The following MYO3B variants were observed in gnomAD, a reference collection of about 807,000 sequenced individuals.
MYO3B encodes the protein myosin IIIB, also known as myosin-IIIb.
Under a neutral mutation model 174.6 loss-of-function variants are expected in MYO3B, and 156 were observed. The ratio of observed to expected loss-of-function variants is 0.89; its 90% CI spans 0.78 to 1.02. The LOEUF (loss-of-function observed/expected upper bound fraction) is 1.02, where lower values mean the gene tolerates loss of function less well. MYO3B is among the 50% of genes least tolerant of loss of function. The pLI, the probability that MYO3B is intolerant of heterozygous loss-of-function variation, is 0.00. For missense variants in MYO3B, 1,632 were observed against 1,639.4 expected, an observed-to-expected ratio of 1.00 and a Z score of 0.08; for synonymous variants, 563 against 569.1, an observed-to-expected ratio of 0.99 and a Z score of 0.15.
chr2:170,613,053 G>A (rs1423560441), intron 32 of MYO3B, among the ~76,000 whole-genome samples: 1 of 152,174 alleles, frequency 6.6e-6, no homozygotes, highest in African/African-American at 2.4e-5. Flanking sequence ...TGGTAATGCG[G>A]AAAGCAGGGC....
chr2:170,410,592 GAA>G lies in MYO3B; in HGVS notation c.2650+2766_2650+2767del, dbSNP rs59296953. 1.9e-3 allele frequency among the ~76,000 whole-genome samples: 213 copies of G among 112,540 alleles called. 1 individual carries two copies. Among genetic ancestry groups the G allele is most frequent in the East Asian group, 3.3e-3 (12 of 3,618 alleles). 73.8% of individuals were successfully genotyped at this position (112,540 alleles called of 152,430 possible). ...AAGACTCCGTCTCAACAAAAAAAAA[GAA>G]AAAAAAAAAAAAAAAAACTTGGGAA... On this transcript the variant is annotated intron_variant, in intron 22 of 34. Coordinates refer to ENST00000408978, the MANE Select transcript of MYO3B (RefSeq NM_138995.5).
chr2:170,428,396 ACTTCAGGGGTCTTTT>A (rs2094682568), intron 22 of MYO3B, among the ~76,000 whole-genome samples: 1 of 152,092 alleles, frequency 6.6e-6, no homozygotes, highest in Non-Finnish European at 1.5e-5. Flanking sequence ...TATTTCCCCC[ACTTCAGGGGTCTTTT>A]AGGAGATATT....
chr2:170,368,315 A>T (rs902209046), intron 8 of MYO3B, among the ~76,000 whole-genome samples: 2 of 152,234 alleles, frequency 1.3e-5, no homozygotes, highest in Non-Finnish European at 2.9e-5. Context: ...CTTAAGGACA[A>T]GTGGCTTAAA....
intron 1 of MYO3B, among the ~76,000 whole-genome samples, chr2:170,196,232 TGTG>T (rs1309290464): frequency 6.6e-6 from 1 of 152,178 alleles, no homozygotes; most frequent in Non-Finnish European, 1.5e-5. Context: ...ATTGGCCAGA[TGTG>T]GTGGCTCATG....
chr2:170,298,416 C>T (rs903631618), intron 7 of MYO3B, among the ~76,000 whole-genome samples: 1 of 152,028 alleles, frequency 6.6e-6, no homozygotes, highest in African/African-American at 2.4e-5. Flanking sequence ...GTGGCTCATG[C>T]CTGTAATCCC....
chr2:170,342,471 G>A (rs2093983349), intron 8 of MYO3B: 1 of 152,218 alleles, frequency 6.6e-6, no homozygotes, highest in African/African-American at 2.4e-5. Context: ...GGAAGAGGCA[G>A]CTGTGGAAGA....
chr2:170,202,678 A>G (rs1374987507), intron 3 of MYO3B, among the ~76,000 whole-genome samples: 3 of 152,202 alleles, frequency 2.0e-5, no homozygotes, highest in Non-Finnish European at 2.9e-5. Flanking sequence ...GGATCGTAGC[A>G]CTTCCTGACC....
intron 22 of MYO3B, among the ~76,000 whole-genome samples, chr2:170,415,424 A>G (rs959295171): frequency 6.6e-6 from 1 of 152,192 alleles, no homozygotes; most frequent in African/African-American, 2.4e-5. Context: ...CTTACATACT[A>G]CATACATTTT....
rs201921789 is a variant in MYO3B at position 170,374,758 on chromosome 2, T to TACACACACACACACAC, written c.971+5408_971+5423dup. On this transcript the variant is annotated intron_variant, in intron 9 of 34. Transcript: ENST00000408978. Reference sequence around the variant, plus strand: ...CTCTCTATATATATATATGCATACATACACACACACACACACACACACACA... The same window carrying TACACACACACACACAC: ...CTCTCTATATATATATATGCATACATACACACACACACACACACACACACACACACACACACACACA... Among the ~76,000 whole-genome samples the TACACACACACACACAC allele has an allele frequency of 2.6e-4, 36 of 140,064 alleles. 1 individual carries two copies. Among genetic ancestry groups the TACACACACACACACAC allele is most frequent in the South Asian group, 1.4e-3 (6 of 4,400 alleles). 91.9% of individuals were successfully genotyped at this position (140,064 alleles called of 152,430 possible).
Position 170,401,796 on chromosome 2 carries a change from C to CTTTTTTTTT in MYO3B, c.2129+110_2129+111insTTTTTTTTT, listed in dbSNP as rs1268110549. 5 of 794,376 alleles carry CTTTTTTTTT rather than the reference C, an allele frequency of 6.3e-6. No individual in the cohort carries two copies. In the African/African-American group the frequency reaches 7.5e-5, roughly 12 times the overall value. 49.2% of individuals were successfully genotyped at this position (794,376 alleles called of 1,614,324 possible). ...TTTGGTCCTCTCTGGGATTTTCTTT[C>CTTTTTTTTT]TTTTTCTTTTTTTTTTTTTTTGTGG... On this transcript the variant is annotated intron_variant, in intron 18 of 34. Coordinates refer to ENST00000408978, the MANE Select transcript of MYO3B (RefSeq NM_138995.5).
At chr2:170,543,785 T>A (rs1690282900) in intron 31 of MYO3B, 107 bp from the exon 32 acceptor site, 1 of 758,478 alleles carries the variant, frequency 1.3e-6, no homozygotes, top group Non-Finnish European at 2.1e-6. Context: ...CTTAGCCTCT[T>A]GCTTTTAGTC....
chr2:170,359,230 C>T (rs1336475634), intron 8 of MYO3B, among the ~76,000 whole-genome samples: 1 of 152,172 alleles, frequency 6.6e-6, no homozygotes, highest in African/African-American at 2.4e-5. Flanking sequence ...AAACATTTAG[C>T]TACAGGCCCA....
chr2:170,299,313 T>C (rs1518739), intron 7 of MYO3B, among the ~76,000 whole-genome samples: 35,802 of 152,070 alleles, frequency 0.24, 5,366 homozygotes, highest in African/African-American at 0.4. Flanking sequence ...ATGAATGAAT[T>C]CAGTGAGGCA....
chr2:170,355,429 C>G (rs937891877), intron 8 of MYO3B, among the ~76,000 whole-genome samples: 2 of 152,200 alleles, frequency 1.3e-5, no homozygotes, highest in Non-Finnish European at 2.9e-5. Flanking sequence ...TGTGGGTAGA[C>G]ACAATGCCAG....
At chr2:170,486,815 C>T (rs1686094575) in intron 25 of MYO3B, among the ~76,000 whole-genome samples, 1 of 152,138 alleles carries the variant, frequency 6.6e-6, no homozygotes, top group African/African-American at 2.4e-5. Flanking sequence ...GTCTGATCAC[C>T]ATCATGTCCT....
At chr2:170,274,174 G>T (rs1391422184) in intron 7 of MYO3B, among the ~76,000 whole-genome samples, 1 of 152,066 alleles carries the variant, frequency 6.6e-6, no homozygotes, top group African/African-American at 2.4e-5. Flanking sequence ...GAGAGAGAGA[G>T]AGAGACACTG....
chr2:170,498,374 A>G (rs958360925), intron 25 of MYO3B, among the ~76,000 whole-genome samples: 16 of 152,236 alleles, frequency 1.1e-4, no homozygotes, highest in Non-Finnish European at 1.5e-5. Flanking sequence ...AAGCAACATT[A>G]AAAGGGAAGT....
intron 32 of MYO3B, chr2:170,602,341 G>A: frequency 1.5e-6 from 1 of 650,952 alleles, no homozygotes. Context: ...TGTGAGAGTG[G>A]GAGCCGGGCA....
intron 7 of MYO3B, among the ~76,000 whole-genome samples, chr2:170,316,177 C>T (rs1336921240): frequency 6.6e-6 from 1 of 152,178 alleles, no homozygotes; most frequent in South Asian, 2.1e-4. Context: ...TGCATATAGA[C>T]ACATATAAAT....
Sources: allele counts gnomAD v4.1 joint callset (sites outside exome capture counted in the v4.1 genomes callset), GRCh38; gene constraint gnomAD v4.1.1; transcripts MANE v1.5; gene names NCBI Gene and HGNC (gene_info 2026-07-23, HGNC 2026-07-21).